Variants in HTR5A observed in about 807,000 individuals in gnomAD.
HTR5A encodes 5-HT-5.
HTR5A carries 21 observed loss-of-function variants against 24.3 expected under a neutral mutation model. The ratio of observed to expected loss-of-function variants is 0.86; its 90% CI spans 0.61 to 1.24. The LOEUF (loss-of-function observed/expected upper bound fraction) is 1.24. Ranked by LOEUF, HTR5A falls within the 50% of genes most tolerant of loss-of-function variation. HTR5A has a pLI of 0.00. For synonymous variants in HTR5A, 260 were observed against 213.7 expected, an observed-to-expected ratio of 1.22 and a Z score of -1.89; for missense variants, 497 against 489.5, an observed-to-expected ratio of 1.02 and a Z score of -0.15.
intron 1 of HTR5A, among the ~76,000 whole-genome samples, chr7:155,076,411 A>T (rs1345890134): frequency 6.6e-6 from 1 of 152,230 alleles, no homozygotes; most frequent in Admixed American, 6.5e-5. Context: ...TTAACTTAAT[A>T]TGGACCTACT....
intron 1 of HTR5A, chr7:155,074,648 C>G (rs1379169612): frequency 1.3e-5 from 2 of 152,064 alleles, no homozygotes; most frequent in Non-Finnish European, 2.9e-5. Flanking sequence ...ACTATTTTAC[C>G]TTCTATTATT....
chr7:155,077,471 T>G (rs1047410642), intron 1 of HTR5A, among the ~76,000 whole-genome samples: 3 of 149,952 alleles, frequency 2.0e-5, no homozygotes, highest in Non-Finnish European at 3.0e-5. Context: ...TTTTTGTTTT[T>G]TTTTTTTTTT....
intron 1 of HTR5A, among the ~76,000 whole-genome samples, chr7:155,078,422 CTTTA>C (rs1256880190): frequency 6.6e-6 from 1 of 152,124 alleles, no homozygotes; most frequent in Non-Finnish European, 1.5e-5. Context: ...TATTTTCTAT[CTTTA>C]TTCAGCCTCC....
Position 155,085,377 on chromosome 7 carries a change from C to T in HTR5A, c.*890C>T, listed in dbSNP as rs1795466076. ...TCATGAGATTAGAGTAAAACAACTGCTGTAAGGTTGAGCATTTCATGACCA... is the reference window on the plus strand; with the variant it reads ...TCATGAGATTAGAGTAAAACAACTGTTGTAAGGTTGAGCATTTCATGACCA... On this transcript the variant is annotated 3_prime_UTR_variant, in exon 2 of 2. Coordinates refer to ENST00000287907, the MANE Select transcript of HTR5A (RefSeq NM_024012.4). The T allele has an allele frequency of 8.7e-6, 1 of 115,182 alleles. No individual in the cohort carries two copies. The highest frequency in any genetic ancestry group is 2.2e-5 in the Non-Finnish European group (1 of 45,580). 7.1% of individuals were successfully genotyped at this position (115,182 alleles called of 1,614,324 possible). A position where few individuals can be genotyped will look rare whatever the true frequency, so the allele number is the denominator to read the frequency against.
Position 155,086,733 on chromosome 7 carries a change from C to A in HTR5A, c.*2246C>A, listed in dbSNP as rs1046532790. ...ATTTCAATAGTAAAAGTTGTTTATA[C>A]CCTGGTAAGAAATGTAGACATTCAT... On this transcript the variant is annotated 3_prime_UTR_variant, in exon 2 of 2. Transcript: ENST00000287907. Among the ~76,000 whole-genome samples the A allele has an allele frequency of 3.3e-5, 5 of 152,116 alleles. No homozygotes were observed. Among genetic ancestry groups the A allele is most frequent in the African/African-American group, 1.2e-4 (5 of 41,424 alleles).
At chr7:155,081,618 A>G (rs570216889) in intron 1 of HTR5A, among the ~76,000 whole-genome samples, 1 of 152,356 alleles carries the variant, frequency 6.6e-6, no homozygotes, top group African/African-American at 2.4e-5. Context: ...TTTACTAATG[A>G]TCAGGTTGAA....
Position 155,075,822 on chromosome 7 carries a change from T to G in HTR5A, c.741+4182T>G, listed in dbSNP as rs558942436. On this transcript the variant is annotated intron_variant, in intron 1 of 1. Coordinates refer to ENST00000287907, the MANE Select transcript of HTR5A (RefSeq NM_024012.4). ...CTATATAATATTTTATGTCAGCTAA[T>G]GCAGGCATTATTTACTATGACAACT... Among the ~76,000 whole-genome samples the G allele has an allele frequency of 3.3e-5, 5 of 152,140 alleles. No homozygotes were observed. The East Asian group carries it at 9.6e-4, about 29-fold the overall frequency.
intron 1 of HTR5A, among the ~76,000 whole-genome samples, chr7:155,072,897 T>G (rs1795312713): frequency 6.6e-6 from 1 of 152,068 alleles, no homozygotes; most frequent in Non-Finnish European, 1.5e-5. Flanking sequence ...GGAGAGGGCA[T>G]CATCCTAGAG....
chr7:155,073,573 G>C (rs2218187), intron 1 of HTR5A, among the ~76,000 whole-genome samples: 138,679 of 151,834 alleles, frequency 0.91, 64,635 homozygotes, highest in East Asian at 1. Flanking sequence ...TGTGTATGAG[G>C]GTCCACTCAA....
chr7:155,081,245 G>A (rs1057225031), intron 1 of HTR5A, among the ~76,000 whole-genome samples: 1 of 152,142 alleles, frequency 6.6e-6, no homozygotes, highest in Non-Finnish European at 1.5e-5. Context: ...CAAGGTAAGA[G>A]TCTATACCTT....
At position 155,084,549 on chromosome 7, in the gene HTR5A, C is replaced by A. The variant is rs560366585; in HGVS notation, c.*62C>A. 388 of 1,351,014 alleles carry A rather than the reference C, an allele frequency of 2.9e-4. No individual in the cohort carries two copies. Among genetic ancestry groups the A allele is most frequent in the Non-Finnish European group, 3.6e-4 (348 of 975,404 alleles). 83.7% of individuals were successfully genotyped at this position (1,351,014 alleles called of 1,614,324 possible). On this transcript the variant is annotated 3_prime_UTR_variant, in exon 2 of 2. Coordinates refer to ENST00000287907, the MANE Select transcript of HTR5A (RefSeq NM_024012.4). Reference sequence around the variant, plus strand: ...AATTCAGTGGAATTCCCAGTTCATCCATTTCCCATCCCCACCCAACAGCCA... The same window carrying A: ...AATTCAGTGGAATTCCCAGTTCATCAATTTCCCATCCCCACCCAACAGCCA...
intron 1 of HTR5A, among the ~76,000 whole-genome samples, chr7:155,074,360 GC>G (rs1449089520): frequency 6.6e-6 from 1 of 152,326 alleles, no homozygotes; most frequent in Non-Finnish European, 1.5e-5. Context: ...ACTAGAGTGA[GC>G]GGGGGCTGTG....
intron 1 of HTR5A, among the ~76,000 whole-genome samples, chr7:155,082,268 G>A (rs920082610): frequency 6.6e-6 from 1 of 152,074 alleles, no homozygotes; most frequent in Non-Finnish European, 1.5e-5. Flanking sequence ...CATCCACAGT[G>A]TGAACAGCAT....
At position 155,071,856 on chromosome 7, in the gene HTR5A, A is replaced by G. The variant is rs188677998; in HGVS notation, c.741+216A>G. Among the ~76,000 whole-genome samples, 150 of 152,194 alleles carry G rather than the reference A, an allele frequency of 9.9e-4. 2 individuals carry two copies. The highest frequency in any genetic ancestry group is 3.3e-3 in the African/African-American group (136 of 41,520). Reference sequence around the variant, plus strand: ...CTAATCATATCATGTTCCTTCTCTAATGGGTTGTTTGTTAAATATACAGAA... The same window carrying G: ...CTAATCATATCATGTTCCTTCTCTAGTGGGTTGTTTGTTAAATATACAGAA... On this transcript the variant is annotated intron_variant, in intron 1 of 1. Coordinates refer to ENST00000287907, the MANE Select transcript of HTR5A (RefSeq NM_024012.4).
chr7:155,084,498 C>G lies in HTR5A; in HGVS notation c.*11C>G. 6.3e-7 allele frequency: 1 copy of G among 1,582,802 alleles called. No individual in the cohort carries two copies. The highest frequency in any genetic ancestry group is 8.6e-7 in the Non-Finnish European group (1 of 1,163,558). On this transcript the variant is annotated 3_prime_UTR_variant, in exon 2 of 2. Coordinates refer to ENST00000287907, the MANE Select transcript of HTR5A (RefSeq NM_024012.4). ...TCTAGGCAACACTGAGGGAGAGGAC[C>G]AGGATTGAAAAAAGTTTCTTCCCAT...
intron 1 of HTR5A, among the ~76,000 whole-genome samples, chr7:155,079,063 C>G (rs895797876): frequency 6.6e-6 from 1 of 151,958 alleles, no homozygotes; most frequent in Non-Finnish European, 1.5e-5. Flanking sequence ...TCATGCAGTC[C>G]TCACACCTCA....
rs1485236602 is a variant in HTR5A, at chr7:155,071,561, G to T, written c.662G>T (p.Trp221Leu). Reference protein sequence around the residue: ...LPLCVVLFVYWKIYKAAKFRV... With the variant: ...LPLCVVLFVYLKIYKAAKFRV... ...CTCTGTGTGGTGCTCTTCGTGTACT[G>T]GAAGATCTACAAGGCTGCCAAGTTC... The change falls in exon 1 of 2, where the codon TGG (tryptophan) becomes TTG (leucine). Residue 221 changes from tryptophan to leucine, a missense_variant. Trp to Leu is a moderately conservative substitution (Grantham distance 61). Coordinates refer to ENST00000287907, the MANE Select transcript of HTR5A (RefSeq NM_024012.4). The T allele has an allele frequency of 3.5e-5, 57 of 1,614,058 alleles. No individual in the cohort carries two copies. Among genetic ancestry groups the T allele is most frequent in the Non-Finnish European group, 4.8e-5 (57 of 1,180,030 alleles).
intron 1 of HTR5A, among the ~76,000 whole-genome samples, chr7:155,077,671 G>A (rs574054163): frequency 6.6e-6 from 1 of 152,036 alleles, no homozygotes; most frequent in South Asian, 2.1e-4. Context: ...CACCATGTTG[G>A]CCAGGCTGGT....
rs996512950 is a variant in HTR5A at position 155,070,660 on chromosome 7, G to T, written c.-240G>T. ...AGGCGGGCCCTGGCTGCGACACGCA[G>T]CCCCTCGCCTCTGCTTCCTTAGCCT... On this transcript the variant is annotated 5_prime_UTR_variant, in exon 1 of 2. Transcript: ENST00000287907. 2 of 552,320 alleles carry T rather than the reference G, an allele frequency of 3.6e-6. No homozygotes were observed. Among genetic ancestry groups the T allele is most frequent in the African/African-American group, 3.8e-5 (2 of 53,022 alleles). 34.2% of individuals were successfully genotyped at this position (552,320 alleles called of 1,614,324 possible). A position where few individuals can be genotyped will look rare whatever the true frequency, so the allele number is the denominator to read the frequency against.
Sources: gnomAD v4.1 joint callset for allele counts (sites outside exome capture counted in the v4.1 genomes callset) on GRCh38, gnomAD v4.1.1 for gene constraint, MANE v1.5 for transcripts, NCBI Gene and HGNC (gene_info 2026-07-23, HGNC 2026-07-21) for gene names.